Variants in CUL1 observed in about 807,000 individuals in gnomAD.
The protein encoded by CUL1 is cullin 1, also known as cullin-1.
In CUL1, 24 loss-of-function variants were observed where a neutral mutation model predicts 118.0. That is an observed-to-expected ratio of 0.20 (90% confidence interval 0.15 to 0.29). The LOEUF (loss-of-function observed/expected upper bound fraction) is 0.29, where lower values mean the gene tolerates loss of function less well. CUL1 is among the 10% of genes least tolerant of loss of function. CUL1 has a pLI of 1.00. For missense variants in CUL1, 361 were observed against 933.8 expected, an observed-to-expected ratio of 0.39 and a Z score of 7.99; for synonymous variants, 332 against 340.4, an observed-to-expected ratio of 0.98 and a Z score of 0.27.
Position 148,759,544 on chromosome 7 carries a change from A to G in CUL1, c.535-4A>G, listed in dbSNP as rs1160677434. ...TGTAATATTTTTCTACATCCTTTCT[A>G]AAGGTAACAAATGCTGTTTTAAAGC... is the stretch of plus-strand genomic sequence containing the variant. On this transcript the variant is annotated splice_polypyrimidine_tract_variant and splice_region_variant and intron_variant, in intron 5 of 21. Transcript: ENST00000325222. 2.5e-6 allele frequency: 4 copies of G among 1,585,094 alleles called. No individual in the cohort carries two copies. Among genetic ancestry groups the G allele is most frequent in the Non-Finnish European group, 3.5e-6 (4 of 1,158,158 alleles).
intron 3 of CUL1, among the ~76,000 whole-genome samples, chr7:148,755,763 A>G (rs1799634326): frequency 6.6e-6 from 1 of 152,262 alleles, no homozygotes; most frequent in Admixed American, 6.5e-5. Context: ...AGTTCATTTC[A>G]TATTATTTAA....
intron 5 of CUL1, 76 bp downstream of exon 5, chr7:148,759,430 C>A (rs754322131): frequency 6.6e-7 from 1 of 1,515,428 alleles, no homozygotes; most frequent in Non-Finnish European, 9.2e-7. Context: ...TTTGTCTCGT[C>A]ACTCCTTCGG....
At chr7:148,701,885 G>A (rs924979459) in intron 1 of CUL1, among the ~76,000 whole-genome samples, 1 of 152,220 alleles carries the variant, frequency 6.6e-6, no homozygotes, top group African/African-American at 2.4e-5. Context: ...AGGTCCTAAA[G>A]CCAGTGACCT....
chr7:148,728,305 G>GA (rs1310809823), intron 1 of CUL1, among the ~76,000 whole-genome samples: 1 of 152,108 alleles, frequency 6.6e-6, no homozygotes, highest in Non-Finnish European at 1.5e-5. Context: ...ATAAGAGAAG[G>GA]AAAAGGAGTA....
rs1554468285 is a variant in CUL1 at position 148,750,294 on chromosome 7, C to CCT, written c.141-3682_141-3681insCT. ...TACTGGAAGGAGATGCCACCTAGGA[C>CCT]TTTTTTTTTTTTTTTTAAATTATAC... On this transcript the variant is annotated intron_variant, in intron 2 of 21. Transcript: ENST00000325222. Among the ~76,000 whole-genome samples, 6 of 142,948 alleles carry CCT rather than the reference C, an allele frequency of 4.2e-5. No homozygotes were observed. The East Asian group carries it at 1.2e-3, about 30-fold the overall frequency. The allele number at this position is 142,948 out of a possible 152,430, so 93.8% of individuals were successfully genotyped here. A position where few individuals can be genotyped will look rare whatever the true frequency, so the allele number is the denominator to read the frequency against.
At chr7:148,710,645 G>T (rs1184306667) in intron 1 of CUL1, among the ~76,000 whole-genome samples, 1 of 152,132 alleles carries the variant, frequency 6.6e-6, no homozygotes, top group Non-Finnish European at 1.5e-5. Context: ...TGATGCTACA[G>T]GTTTTACCAC....
At chr7:148,796,207 G>A (rs1032383784) in intron 17 of CUL1, among the ~76,000 whole-genome samples, 2 of 152,092 alleles carry the variant, frequency 1.3e-5, no homozygotes, top group Admixed American at 6.5e-5. Context: ...CAAGAGTGTT[G>A]TATTTTGTCA....
intron 4 of CUL1, among the ~76,000 whole-genome samples, chr7:148,758,577 A>G (rs1799735493): frequency 6.6e-6 from 1 of 152,174 alleles, no homozygotes; most frequent in Non-Finnish European, 1.5e-5. Context: ...TGGTGGTACC[A>G]CTGGACTCTA....
At chr7:148,732,523 T>C (rs985976205) in intron 2 of CUL1, among the ~76,000 whole-genome samples, 12 of 151,508 alleles carry the variant, frequency 7.9e-5, no homozygotes, top group South Asian at 4.2e-4. Context: ...TTTTTTTTTT[T>C]CCTAGAGACT....
intron 16 of CUL1, 98 bp downstream of exon 16, chr7:148,790,539 A>G (rs943707916): frequency 1.9e-6 from 2 of 1,066,960 alleles, no homozygotes; most frequent in African/African-American, 1.6e-5. Context: ...AGAATCTAGA[A>G]TTCAGCTTCT....
intron 1 of CUL1, among the ~76,000 whole-genome samples, chr7:148,716,782 G>T (rs533589827): frequency 1.3e-5 from 2 of 152,164 alleles, no homozygotes; most frequent in East Asian, 1.9e-4. Flanking sequence ...TCATCATTGC[G>T]CAGTGCTCTA....
At position 148,790,291 on chromosome 7, in the gene CUL1, A is replaced by T. The variant is rs1800961442; in HGVS notation, c.1675-19A>T. The stretch of plus-strand genomic sequence containing the variant: ...TGTGGTGAGATCTGTATTCCATATA[A>T]TGCTGTCCTTTTATCTAGTTGGAAC... On this transcript the variant is annotated intron_variant, in intron 15 of 21. Transcript: ENST00000325222. The T allele has an allele frequency of 6.2e-7, 1 of 1,613,730 alleles. No individual in the cohort carries two copies. Among genetic ancestry groups the T allele is most frequent in the African/African-American group, 1.3e-5 (1 of 74,914 alleles).
In CUL1 at chr7:148,730,152, C is replaced by T. The variant is rs771729115; in HGVS notation, c.30C>T (p.His10=). MSSTRSQNP[H]GLKQIGLDQI... ...CGTCAACCCGGAGCCAGAACCCCCA[C>T]GGCCTGAAGCAGATTGGCCTGGACC... Residue 10 remains histidine (H), a synonymous_variant, in exon 2 of 22, where the codon CAC becomes CAT. Coordinates refer to ENST00000325222, the MANE Select transcript of CUL1 (RefSeq NM_003592.3). The T allele has an allele frequency of 7.4e-6, 12 of 1,613,936 alleles. No homozygotes were observed. Among genetic ancestry groups the T allele is most frequent in the East Asian group, 4.5e-5 (2 of 44,886 alleles).
chr7:148,734,391 A>G (rs1798870197), intron 2 of CUL1, among the ~76,000 whole-genome samples: 1 of 152,170 alleles, frequency 6.6e-6, no homozygotes, highest in Non-Finnish European at 1.5e-5. Context: ...CCACAGGTGC[A>G]CACCACTGCA....
In CUL1 at chr7:148,800,780, G is replaced by A. The variant is rs1027772074; in HGVS notation, c.*198G>A. 5.8e-6 allele frequency: 3 copies of A among 521,598 alleles called. No individual in the cohort carries two copies. Among genetic ancestry groups the A allele is most frequent in the Non-Finnish European group, 6.8e-6 (2 of 293,158 alleles). 32.3% of individuals were successfully genotyped at this position (521,598 alleles called of 1,614,324 possible). On this transcript the variant is annotated 3_prime_UTR_variant, in exon 22 of 22. Coordinates refer to ENST00000325222, the MANE Select transcript of CUL1 (RefSeq NM_003592.3). This position sits in a 1 kb window ranked among gnomAD's most constrained non-coding sequence, Gnocchi z 4.6. Reference sequence around the variant, plus strand: ...TGATACATTTCAAGTCTGTAAATACGGACACCAACGCCATTTACCCTAATT... The same window carrying A: ...TGATACATTTCAAGTCTGTAAATACAGACACCAACGCCATTTACCCTAATT...
intron 21 of CUL1, among the ~76,000 whole-genome samples, chr7:148,799,733 T>A (rs115698788): frequency 1.3e-5 from 2 of 152,178 alleles, no homozygotes; most frequent in Non-Finnish European, 2.9e-5. Flanking sequence ...TAAAACAGTT[T>A]TGCCTGCTTT....
In CUL1 at chr7:148,783,984, T is replaced by G; in HGVS notation, c.1205T>G (p.Phe402Cys). ...CGTGTAACGCAGGCTTGTGGTCGCTTCATAAACAACAACGCGGTTACCAAG... is the reference window on the plus strand; with the variant it reads ...CGTGTAACGCAGGCTTGTGGTCGCTGCATAAACAACAACGCGGTTACCAAG... ...VAALDKACGR[F>C]INNNAVTKMA... is the part of the protein sequence containing the mutation. The change falls in exon 11 of 22, where the codon TTC becomes TGC. Residue 402 changes from phenylalanine to cysteine, a missense_variant. Coordinates refer to ENST00000325222, the MANE Select transcript of CUL1 (RefSeq NM_003592.3). The G allele has an allele frequency of 6.2e-7, 1 of 1,614,186 alleles. No individual in the cohort carries two copies. Among genetic ancestry groups the G allele is most frequent in the Non-Finnish European group, 8.5e-7 (1 of 1,180,030 alleles).
chr7:148,795,621 T>G (rs561187245), intron 17 of CUL1, among the ~76,000 whole-genome samples: 2 of 151,936 alleles, frequency 1.3e-5, no homozygotes, highest in South Asian at 2.1e-4. Context: ...AAAAACAAAA[T>G]TAGCCGGGCG....
At chr7:148,754,834 A>C (rs1447863404) in intron 3 of CUL1, among the ~76,000 whole-genome samples, 2 of 151,244 alleles carry the variant, frequency 1.3e-5, no homozygotes, top group African/African-American at 4.9e-5. Flanking sequence ...GCAGCCTCCA[A>C]CTCCTGGGAT....
Sources: allele counts gnomAD v4.1 joint callset (sites outside exome capture counted in the v4.1 genomes callset), GRCh38; gene constraint gnomAD v4.1.1; non-coding constraint Gnocchi (gnomAD v3.1); transcripts MANE v1.5; gene names NCBI Gene and HGNC (gene_info 2026-07-23, HGNC 2026-07-21).